HAUS6: variants seen among roughly 807,000 people sequenced by gnomAD.
HAUS6 encodes HAUS augmin-like complex subunit 6.
In HAUS6, 80 loss-of-function variants were observed where a neutral mutation model predicts 106.8. The observed-to-expected ratio is 0.75, with a 90% CI of 0.63 to 0.90. HAUS6 has a LOEUF of 0.90. HAUS6 is among the 40% of genes least tolerant of loss of function. The pLI is 0.00. For synonymous variants in HAUS6, 356 were observed against 379.1 expected (o/e 0.94, Z 0.71); for missense variants, 1,155 against 1,118.1 (o/e 1.03, Z -0.47).
At chr9:19,084,949 G>A (rs1265030975) in intron 7 of HAUS6, among the ~76,000 whole-genome samples, 2 of 150,862 alleles carry the variant, frequency 1.3e-5, no homozygotes, top group East Asian at 3.9e-4. Flanking sequence ...TCTTTTTTAA[G>A]ACGGGTCTCG....
intron 8 of HAUS6, 26 bp from the exon 9 acceptor site, chr9:19,080,698 T>G (rs199742824): frequency 2.9e-6 from 4 of 1,397,692 alleles, no homozygotes; most frequent in Non-Finnish European, 4.0e-6. Flanking sequence ...GAGAAAAAAA[T>G]TGGTGAACTA....
intron 2 of HAUS6, 53 bp downstream of exon 2, chr9:19,096,621 T>C (rs946631832): frequency 1.4e-6 from 1 of 713,786 alleles, no homozygotes; most frequent in East Asian, 3.0e-5. Flanking sequence ...CAAAACGCTG[T>C]CCATTTTCAA....
chr9:19,059,459 C>A (rs148456129), intron 15 of HAUS6, among the ~76,000 whole-genome samples: 1 of 152,308 alleles, frequency 6.6e-6, no homozygotes, highest in African/African-American at 2.4e-5. Context: ...ATTTTATATA[C>A]AAAAACACAC....
intron 16 of HAUS6, chr9:19,056,726 G>C (rs41268999): frequency 4.6e-6 from 1 of 216,660 alleles, no homozygotes; most frequent in Non-Finnish European, 9.2e-6. Context: ...TCAGCCTCCT[G>C]TGTACCTGGG....
chr9:19,094,723 G>A (rs891048824), intron 2 of HAUS6, among the ~76,000 whole-genome samples: 1 of 151,980 alleles, frequency 6.6e-6, no homozygotes, highest in Non-Finnish European at 1.5e-5. Context: ...CCCAGGAGAT[G>A]GAGTCTGCAG....
chr9:19,086,404 T>G (rs1049672269), intron 7 of HAUS6, among the ~76,000 whole-genome samples: 2 of 152,178 alleles, frequency 1.3e-5, no homozygotes, highest in African/African-American at 4.8e-5. Context: ...GCAGATCATC[T>G]GAGCTCAAGA....
At chr9:19,059,611 T>A (rs1246678521) in intron 15 of HAUS6, among the ~76,000 whole-genome samples, 1 of 152,174 alleles carries the variant, frequency 6.6e-6, no homozygotes, top group Admixed American at 6.5e-5. Context: ...GACACCAATA[T>A]CAGAACTTTG....
At position 19,058,880 on chromosome 9, in the gene HAUS6, G is replaced by A. The variant is rs754122952; in HGVS notation, c.1887C>T (p.His629=). The A allele has an allele frequency of 3.1e-6, 5 of 1,610,294 alleles. No individual in the cohort carries two copies. The highest frequency in any genetic ancestry group is 4.2e-6 in the Non-Finnish European group (5 of 1,176,578). Residue 629 remains histidine (H), a synonymous_variant, in exon 16 of 17, where the codon CAC becomes CAT. Transcript: ENST00000380502. ...EVLPESLPVL[H]NQREFSMADF... The stretch of plus-strand genomic sequence containing the variant: ...CAGCCATGCTAAATTCTCTTTGATT[G>A]TGCAACACAGGTAATGATTCTGGCA...
intron 12 of HAUS6, among the ~76,000 whole-genome samples, chr9:19,068,714 TAA>T (rs372286420): frequency 1.4e-5 from 2 of 144,914 alleles, no homozygotes; most frequent in Non-Finnish European, 1.5e-5. Flanking sequence ...AAAAAACAAT[TAA>T]AAAAAAAAAA....
intron 1 of HAUS6, among the ~76,000 whole-genome samples, chr9:19,098,190 C>T (rs1817903198): frequency 6.6e-6 from 1 of 152,140 alleles, no homozygotes; most frequent in Non-Finnish European, 1.5e-5. Flanking sequence ...CCTGTAATCC[C>T]AGCATTTTGG....
chr9:19,082,590 T>C (rs535602070), intron 8 of HAUS6, among the ~76,000 whole-genome samples: 1 of 152,000 alleles, frequency 6.6e-6, no homozygotes, highest in African/African-American at 2.4e-5. Flanking sequence ...CTACTAAAAA[T>C]ACAAAATTAG....
chr9:19,089,695 G>A, intron 4 of HAUS6, 136 bp from the exon 5 acceptor site: 2 of 561,388 alleles, frequency 3.6e-6, no homozygotes, highest in African/African-American at 1.9e-5. Context: ...TTTAAAAAAA[G>A]GAAAACAGAC....
chr9:19,093,039 A>G, intron 4 of HAUS6, 132 bp downstream of exon 4: 1 of 659,278 alleles, frequency 1.5e-6, no homozygotes, highest in South Asian at 2.2e-5. Context: ...AATATTAACC[A>G]TTTCCTTTTT....
Position 19,055,428 on chromosome 9 carries a change from A to G in HAUS6, c.*915T>C, listed in dbSNP as rs981234460. The stretch of plus-strand genomic sequence containing the variant: ...TTTAACCCCAAGTTCAGTTTTCTCA[A>G]GTTACTGTGAGGCTATTCTGTAGGG... On this transcript the variant is annotated 3_prime_UTR_variant, in exon 17 of 17. Transcript: ENST00000380502. The G allele has an allele frequency of 6.6e-6, 1 of 152,206 alleles. No homozygotes were observed. Among genetic ancestry groups the G allele is most frequent in the Non-Finnish European group, 1.5e-5 (1 of 68,040 alleles). 9.4% of individuals were successfully genotyped at this position (152,206 alleles called of 1,614,324 possible). A position where few individuals can be genotyped will look rare whatever the true frequency, so the allele number is the denominator to read the frequency against.
At chr9:19,079,940 C>T (rs1054539605) in intron 9 of HAUS6, among the ~76,000 whole-genome samples, 14 of 146,100 alleles carry the variant, frequency 9.6e-5, no homozygotes, top group African/African-American at 3.6e-4. Context: ...TTTGGGAGGC[C>T]GAGGCAGGTG....
At chr9:19,095,890 T>C (rs1408252653) in intron 2 of HAUS6, among the ~76,000 whole-genome samples, 3 of 152,164 alleles carry the variant, frequency 2.0e-5, no homozygotes, top group Non-Finnish European at 4.4e-5. Flanking sequence ...GGAATGATTT[T>C]TGCCTAAAGC....
In HAUS6 at chr9:19,083,006, A is replaced by G. The variant is rs1349431773; in HGVS notation, c.737T>C (p.Met246Thr). 1.9e-6 allele frequency: 3 copies of G among 1,588,500 alleles called. No individual in the cohort carries two copies. Among genetic ancestry groups the G allele is most frequent in the African/African-American group, 1.4e-5 (1 of 73,384 alleles). The change falls in exon 8 of 17, where the codon ATG becomes ACG. Residue 246 changes from methionine to threonine, a missense_variant. Coordinates refer to ENST00000380502, the MANE Select transcript of HAUS6 (RefSeq NM_017645.5). ...AACTTCTCTCTCTTTTTCCAAAAAC[A>G]TGAGCGTTTCATTCACTGAAGCCCA... ...SLWASVNETL[M>T]FLEKEREVVS... is the part of the protein sequence containing the mutation.
In HAUS6 at chr9:19,058,306, G is replaced by C; in HGVS notation, c.2461C>G (p.Gln821Glu). The C allele has an allele frequency of 6.2e-7, 1 of 1,613,224 alleles. No homozygotes were observed. The highest frequency in any genetic ancestry group is 8.5e-7 in the Non-Finnish European group (1 of 1,179,250). The change falls in exon 16 of 17, where the codon CAG becomes GAG. Residue 821 changes from glutamine to glutamate, a missense_variant. This residue lies in a region of HAUS6 where 380 missense variants were observed against 394.8 expected (regional missense o/e 0.96). Transcript: ENST00000380502. The part of the protein sequence containing the change: ...TLLEDVVGGR[Q>E]TTPESDFNLQ... ...TTAAAGTCTGATTCTGGAGTAGTCT[G>C]TCTCCCTCCCACAACATCTTCTAGA... is the stretch of plus-strand genomic sequence containing the variant.
intron 1 of HAUS6, among the ~76,000 whole-genome samples, chr9:19,098,241 C>G (rs1817904391): frequency 6.6e-6 from 1 of 152,072 alleles, no homozygotes; most frequent in Admixed American, 6.6e-5. Context: ...AGATTGAGAC[C>G]ATCCTGGCCA....
Sources: allele counts gnomAD v4.1 joint callset (sites outside exome capture counted in the v4.1 genomes callset), GRCh38; gene constraint gnomAD v4.1.1; regional missense constraint gnomAD v4.1.1; transcripts MANE v1.5; gene names NCBI Gene and HGNC (gene_info 2026-07-23, HGNC 2026-07-21).